PCDHA1: variants seen among roughly 807,000 people sequenced by gnomAD.
PCDHA1 encodes the protein protocadherin alpha 1, also known as protocadherin alpha-1.
Under a neutral mutation model 61.3 loss-of-function variants are expected in PCDHA1, and 42 were observed. The observed-to-expected ratio is 0.69, with a 90% CI of 0.54 to 0.89. The LOEUF (loss-of-function observed/expected upper bound fraction) is 0.89, where lower values mean the gene tolerates loss of function less well. PCDHA1 is among the 40% of genes least tolerant of loss of function. The pLI, the probability that PCDHA1 is intolerant of heterozygous loss-of-function variation, is 0.00. For missense variants in PCDHA1, 1,256 were observed against 1,235.3 expected, an observed-to-expected ratio of 1.02 and a Z score of -0.25; for synonymous variants, 610 against 553.8, an observed-to-expected ratio of 1.10 and a Z score of -1.43.
At chr5:140,960,440 T>C (rs1304890095) in intron 1 of PCDHA1, among the ~76,000 whole-genome samples, 1 of 152,164 alleles carries the variant, frequency 6.6e-6, no homozygotes, top group Admixed American at 6.5e-5. Flanking sequence ...ACTCTAGATA[T>C]ATGTATGGAT....
intron 3 of PCDHA1, among the ~76,000 whole-genome samples, chr5:141,005,089 A>G (rs1554259886): frequency 6.6e-6 from 1 of 152,244 alleles, no homozygotes; most frequent in East Asian, 1.9e-4. Context: ...TTAGTACTTT[A>G]CATGCATTAC....
In PCDHA1 at chr5:140,856,939, G is replaced by A. The variant is rs1554149308; in HGVS notation, c.2394+68255G>A. The stretch of plus-strand genomic sequence containing the variant: ...GAAGGAAATTTTGGATAAACGAAAG[G>A]ACGGGAGAAATAAAAGTAAATGATG... On this transcript the variant is annotated intron_variant, in intron 1 of 3. Coordinates refer to ENST00000504120, the MANE Select transcript of PCDHA1 (RefSeq NM_018900.4). 1.9e-6 allele frequency: 3 copies of A among 1,593,866 alleles called. No homozygotes were observed. The East Asian group carries it at 6.7e-5, about 36-fold the overall frequency.
chr5:140,805,986 T>C (rs913758616), intron 1 of PCDHA1, among the ~76,000 whole-genome samples: 5 of 152,158 alleles, frequency 3.3e-5, no homozygotes, highest in Non-Finnish European at 7.4e-5. Context: ...AAAATATATA[T>C]TCCAAAAAAG....
rs1165097192 is a variant in PCDHA1, at chr5:140,945,230, A to G, written c.2395-33719A>G. Among the ~76,000 whole-genome samples the G allele has an allele frequency of 2.6e-5, 4 of 152,290 alleles. No individual in the cohort carries two copies. In the East Asian group the frequency reaches 7.7e-4, roughly 29 times the overall value. On this transcript the variant is annotated intron_variant, in intron 1 of 3. Transcript: ENST00000504120. ...TATGAGAAAATAAAAATACTTAGGA[A>G]TAAATTTAACCAAGAGGATGAAAGA...
At chr5:140,875,399 C>T (rs62622796) in intron 1 of PCDHA1, 40,992 of 1,482,866 alleles carry the variant, frequency 0.028, 731 homozygotes, top group Non-Finnish European at 0.032. Flanking sequence ...AAAAGGGTGA[C>T]TGCTCATAAA....
At chr5:140,898,664 G>C (rs1360946717) in intron 1 of PCDHA1, among the ~76,000 whole-genome samples, 1 of 152,190 alleles carries the variant, frequency 6.6e-6, no homozygotes, top group Non-Finnish European at 1.5e-5. Flanking sequence ...GATTGACTTG[G>C]TGTTGCGGGC....
intron 1 of PCDHA1, chr5:140,842,447 G>T (rs200777298): frequency 6.2e-7 from 1 of 1,613,672 alleles, no homozygotes; most frequent in African/African-American, 1.3e-5. Flanking sequence ...TAGCGTGAAC[G>T]ACCTCGATTC....
chr5:140,869,125 G>T (rs371936789), intron 1 of PCDHA1: 4 of 1,611,550 alleles, frequency 2.5e-6, no homozygotes, highest in East Asian at 4.5e-5. Context: ...TCAGAGAAGG[G>T]GATTGGGCAC....
chr5:140,914,073 C>G (rs1314205032), intron 1 of PCDHA1, among the ~76,000 whole-genome samples: 1 of 152,122 alleles, frequency 6.6e-6, no homozygotes, highest in Non-Finnish European at 1.5e-5. Flanking sequence ...TGCTCCATAA[C>G]TATCTATTAG....
rs2150247452 is a variant in PCDHA1, at chr5:140,835,884, G to C, written c.2394+47200G>C. ...CTCGCTGGTGGAGCTGCGGGTGGGC[G>C]AGCGCGCGCTGTCGAGCTACGTGTC... On this transcript the variant is annotated intron_variant, in intron 1 of 3. Coordinates refer to ENST00000504120, the MANE Select transcript of PCDHA1 (RefSeq NM_018900.4). 57 of 1,611,848 alleles carry C rather than the reference G, an allele frequency of 3.5e-5. No individual in the cohort carries two copies. The highest frequency in any genetic ancestry group is 3.3e-5 in the Non-Finnish European group (39 of 1,179,644).
chr5:140,787,361 G>A lies in PCDHA1; in HGVS notation c.1071G>A (p.Leu357=). 6.2e-7 allele frequency: 1 copy of A among 1,614,232 alleles called. No individual in the cohort carries two copies. The highest frequency in any genetic ancestry group is 1.3e-5 in the African/African-American group (1 of 75,062). ...AACTGGCGGTCACTTCATTGTATTT[G>A]CCTATCAGAGAGGACGCTCCACTCA... ...APELAVTSLY[L]PIREDAPLST... Residue 357 remains leucine (L), a synonymous_variant, in exon 1 of 4, where the codon TTG becomes TTA. Coordinates refer to ENST00000504120, the MANE Select transcript of PCDHA1 (RefSeq NM_018900.4).
At chr5:140,888,706 T>G (rs1554183604) in intron 1 of PCDHA1, among the ~76,000 whole-genome samples, 1 of 152,196 alleles carries the variant, frequency 6.6e-6, no homozygotes, top group African/African-American at 2.4e-5. Context: ...TTGGTAGGAA[T>G]GTGAAATATT....
intron 1 of PCDHA1, among the ~76,000 whole-genome samples, chr5:140,893,392 C>T (rs116952410): frequency 6.6e-6 from 1 of 152,112 alleles, no homozygotes; most frequent in African/African-American, 2.4e-5. Context: ...GTGGCTCATG[C>T]CTGTAATCCC....
Position 140,895,899 on chromosome 5 carries a change from C to T in PCDHA1, c.2395-83050C>T, listed in dbSNP as rs181661173. Among the ~76,000 whole-genome samples, 21 of 152,308 alleles carry T rather than the reference C, an allele frequency of 1.4e-4. No homozygotes were observed. The East Asian group carries it at 2.5e-3, about 18-fold the overall frequency. ...CGATCTCGGCTCACTGCAACCTCCGCGTCCCGGGCTCAACAATTATCCTGC... is the reference window on the plus strand; with the variant it reads ...CGATCTCGGCTCACTGCAACCTCCGTGTCCCGGGCTCAACAATTATCCTGC... On this transcript the variant is annotated intron_variant, in intron 1 of 3. Transcript: ENST00000504120.
At chr5:140,836,936 A>C in intron 1 of PCDHA1, 1 of 476,206 alleles carries the variant, frequency 2.1e-6, no homozygotes, top group Non-Finnish European at 3.6e-6. Context: ...GTAATACTAT[A>C]GATCAAAATC....
intron 1 of PCDHA1, chr5:140,882,638 A>G (rs2059233239): frequency 5.0e-6 from 8 of 1,614,116 alleles, no homozygotes; most frequent in African/African-American, 1.3e-5. Context: ...GGTGAAGGTG[A>G]GGGACATTAA....
intron 1 of PCDHA1, among the ~76,000 whole-genome samples, chr5:140,899,116 T>C (rs563698448): frequency 6.6e-6 from 1 of 152,246 alleles, no homozygotes; most frequent in South Asian, 2.1e-4. Flanking sequence ...TTTCTAGATA[T>C]ACAATCATGT....
chr5:140,877,607 T>C (rs782533203), intron 1 of PCDHA1: 5 of 1,613,712 alleles, frequency 3.1e-6, no homozygotes. Flanking sequence ...AGCCTGCTGG[T>C]GCTCACGCTG....
At chr5:140,960,063 T>G (rs1461377026) in intron 1 of PCDHA1, among the ~76,000 whole-genome samples, 1 of 152,232 alleles carries the variant, frequency 6.6e-6, no homozygotes, top group Non-Finnish European at 1.5e-5. Flanking sequence ...GTACAGAAGA[T>G]TCAATTGAAG....
Sources: allele counts gnomAD v4.1 joint callset (sites outside exome capture counted in the v4.1 genomes callset), GRCh38; gene constraint gnomAD v4.1.1; transcripts MANE v1.5; gene names NCBI Gene and HGNC (gene_info 2026-07-23, HGNC 2026-07-21).